Variants in FGF1 observed in about 807,000 individuals in gnomAD.
FGF1 encodes beta-endothelial cell growth factor.
A neutral mutation model predicts 13.4 loss-of-function variants in FGF1; 9 were observed. The observed-to-expected ratio is 0.67, with a 90% CI of 0.40 to 1.17. The LOEUF (loss-of-function observed/expected upper bound fraction) is 1.17, where lower values mean the gene tolerates loss of function less well. FGF1 is among the 50% of genes most tolerant of loss of function. The probability of loss-of-function intolerance (pLI) is 0.01; values close to 1 mark genes in which losing one functional copy is unlikely to be tolerated. For synonymous variants in FGF1, 93 were observed against 79.0 expected (o/e 1.18, Z -0.94); for missense variants, 156 against 192.7 (o/e 0.81, Z 1.13).
chr5:142,637,145 GGA>G (rs1232038041), intron 1 of FGF1, among the ~76,000 whole-genome samples: 1 of 151,812 alleles, frequency 6.6e-6, no homozygotes, highest in African/African-American at 2.4e-5. Context: ...GCCCTCTCTG[GGA>G]GAGACAGTGG....
intron 1 of FGF1, among the ~76,000 whole-genome samples, chr5:142,621,639 C>A (rs1761652247): frequency 6.6e-6 from 1 of 152,166 alleles, no homozygotes; most frequent in South Asian, 2.1e-4. Context: ...TAATTCCCAT[C>A]TATATCCCCC....
intron 1 of FGF1, among the ~76,000 whole-genome samples, chr5:142,657,390 G>C (rs1047139273): frequency 6.6e-6 from 1 of 152,076 alleles, no homozygotes; most frequent in African/African-American, 2.4e-5. Context: ...GCACAGCCCA[G>C]CTTTCTGAAG....
intron 1 of FGF1, among the ~76,000 whole-genome samples, chr5:142,674,425 AG>A (rs966472114): frequency 1.3e-5 from 2 of 152,146 alleles, no homozygotes; most frequent in African/African-American, 4.8e-5. Flanking sequence ...GTCCCTGGAG[AG>A]GGGGACACCT....
chr5:142,675,414 T>TGCGGCTGGTGCGGACCCGTG (rs1772350948), intron 1 of FGF1, among the ~76,000 whole-genome samples: 1 of 152,178 alleles, frequency 6.6e-6, no homozygotes, highest in African/African-American at 2.4e-5. Context: ...CATCTCTCTG[T>TGCGGCTGGTGCGGACCCGTG]GCTGGTGCGG....
chr5:142,665,037 C>T (rs1284264179), intron 1 of FGF1, among the ~76,000 whole-genome samples: 1 of 152,062 alleles, frequency 6.6e-6, no homozygotes, highest in Non-Finnish European at 1.5e-5. Flanking sequence ...AGTAACATTG[C>T]CTTATGTAAC....
In FGF1 at chr5:142,592,227, T is replaced by C. The variant is rs1009778725; in HGVS notation, c.*3063A>G. 3 of 397,490 alleles carry C rather than the reference T, an allele frequency of 7.5e-6. No homozygotes were observed. The highest frequency in any genetic ancestry group is 6.2e-4 in the Middle Eastern group (1 of 1,606). 24.6% of individuals were successfully genotyped at this position (397,490 alleles called of 1,614,324 possible). On this transcript the variant is annotated 3_prime_UTR_variant, in exon 4 of 4. Coordinates refer to ENST00000337706, the MANE Select transcript of FGF1 (RefSeq NM_000800.5). ...AATATTTGTAAGGTGCAGACTATGA[T>C]ACACAAAAAGACAGTGATGTGAAAT... is the stretch of plus-strand genomic sequence containing the variant.
chr5:142,660,393 C>T (rs919803340), intron 1 of FGF1, among the ~76,000 whole-genome samples: 5 of 152,142 alleles, frequency 3.3e-5, no homozygotes, highest in East Asian at 3.9e-4. Context: ...AAGTTGGGGC[C>T]GCTGGTCTCT....
At chr5:142,600,956 T>C in intron 2 of FGF1, 151 bp from the exon 3 acceptor site, 1 of 640,208 alleles carries the variant, frequency 1.6e-6, no homozygotes, top group East Asian at 2.8e-5. Flanking sequence ...AACATAGAAA[T>C]ACAGTCCCTT....
At chr5:142,695,094 A>G (rs1752891988) in intron 2 of FGF1, among the ~76,000 whole-genome samples, 1 of 152,178 alleles carries the variant, frequency 6.6e-6, no homozygotes, top group Non-Finnish European at 1.5e-5. Flanking sequence ...ATCACCACTT[A>G]CTAGATGTAT....
At position 142,623,527 on chromosome 5, in the gene FGF1, T is replaced by C. The variant is rs1046019343; in HGVS notation, c.-34-9366A>G. On this transcript the variant is annotated intron_variant, in intron 1 of 3. Transcript: ENST00000337706. ...CGTCCAACTAATTTTTGCATTCTTT[T>C]AGTAGAGACGGGGTTTCTACCATGT... Among the ~76,000 whole-genome samples, 4 of 151,846 alleles carry C rather than the reference T, an allele frequency of 2.6e-5. No homozygotes were observed. The South Asian group carries it at 6.2e-4, about 24-fold the overall frequency.
In FGF1 at chr5:142,640,429, G is replaced by GGT. The variant is rs924072564; in HGVS notation, c.-34-26269_-34-26268insAC. ...TGCACCAGGAGGTGGAGTATGGTGG[G>GGT]GGGGGGGGTCTCTCTGAGAAGCGGC... On this transcript the variant is annotated intron_variant, in intron 1 of 3. Transcript: ENST00000337706. 1.4e-4 allele frequency among the ~76,000 whole-genome samples: 21 copies of GGT among 150,152 alleles called. 1 individual carries two copies. The South Asian group carries it at 3.2e-3, about 23-fold the overall frequency.
intron 1 of FGF1, among the ~76,000 whole-genome samples, chr5:142,683,197 C>T (rs2152055650): frequency 6.6e-6 from 1 of 152,198 alleles, no homozygotes; most frequent in East Asian, 1.9e-4. Flanking sequence ...ATTAGCCATG[C>T]ACTGCTTATT....
At chr5:142,657,360 G>A (rs369779300) in intron 1 of FGF1, among the ~76,000 whole-genome samples, 220 of 152,068 alleles carry the variant, frequency 1.4e-3, no homozygotes, top group African/African-American at 5.1e-3. Flanking sequence ...ACCTGCTCCC[G>A]CCCCGTTCTC....
At chr5:142,627,691 G>A (rs533117496) in intron 1 of FGF1, among the ~76,000 whole-genome samples, 18 of 152,326 alleles carry the variant, frequency 1.2e-4, no homozygotes, top group African/African-American at 3.1e-4. Context: ...TATGCAAAGC[G>A]ACCCAGTTGG....
intron 1 of FGF1, among the ~76,000 whole-genome samples, chr5:142,615,112 G>T (rs763801578): frequency 6.6e-6 from 1 of 152,082 alleles, no homozygotes; most frequent in Non-Finnish European, 1.5e-5. Flanking sequence ...CATTAGAATT[G>T]GTTAAAACAT....
intron 1 of FGF1, among the ~76,000 whole-genome samples, chr5:142,645,791 T>A (rs1310666965): frequency 1.3e-5 from 2 of 152,168 alleles, no homozygotes; most frequent in East Asian, 3.9e-4. Context: ...CCTTACTTCC[T>A]CCAGAAGTCA....
At chr5:142,620,916 C>A (rs1248552669) in intron 1 of FGF1, among the ~76,000 whole-genome samples, 1 of 152,162 alleles carries the variant, frequency 6.6e-6, no homozygotes, top group African/African-American at 2.4e-5. Flanking sequence ...GAAATCACTC[C>A]CACCTGTTCA....
chr5:142,639,487 T>C (rs1339982505), intron 1 of FGF1, among the ~76,000 whole-genome samples: 3 of 151,980 alleles, frequency 2.0e-5, no homozygotes, highest in Non-Finnish European at 4.4e-5. Context: ...AAATACCACA[T>C]GATCTCACTT....
At chr5:142,695,070 G>T (rs1373722841) in intron 2 of FGF1, among the ~76,000 whole-genome samples, 1 of 152,152 alleles carries the variant, frequency 6.6e-6, no homozygotes, top group Non-Finnish European at 1.5e-5. Context: ...GGCATCCTGG[G>T]TTATAGTCTG....
Sources: allele counts gnomAD v4.1 joint callset (sites outside exome capture counted in the v4.1 genomes callset), GRCh38; gene constraint gnomAD v4.1.1; transcripts MANE v1.5; gene names NCBI Gene and HGNC (gene_info 2026-07-23, HGNC 2026-07-21).